The following MIB1 variants were observed in gnomAD, a reference collection of about 807,000 sequenced individuals.
MIB1 encodes the protein E3 ubiquitin-protein ligase MIB1.
A neutral mutation model predicts 124.5 loss-of-function variants in MIB1; 278 were observed. That is an observed-to-expected ratio of 2.23 (90% CI 2.02 to 2.47). MIB1 has a LOEUF of 2.47. MIB1 is among the 30% of genes most tolerant of loss of function. The pLI, the probability that MIB1 is intolerant of heterozygous loss-of-function variation, is 0.00. For synonymous variants in MIB1, 446 were observed against 429.4 expected, an observed-to-expected ratio of 1.04 and a Z score of -0.48; for missense variants, 957 against 1,254.4, an observed-to-expected ratio of 0.76 and a Z score of 3.58.
At chr18:21,754,901 G>C (rs141731760) in intron 1 of MIB1, among the ~76,000 whole-genome samples, 1 of 152,306 alleles carries the variant, frequency 6.6e-6, no homozygotes, top group South Asian at 2.1e-4. Context: ...TAAGGCATCC[G>C]TTGGGGAGTA....
At chr18:21,708,335 A>G (rs1306186498) in intron 1 of MIB1, among the ~76,000 whole-genome samples, 2 of 152,230 alleles carry the variant, frequency 1.3e-5, no homozygotes, top group East Asian at 3.8e-4. Context: ...TTCCTGTTAG[A>G]AAAACATTCT....
chr18:21,860,122 TTTTA>T (rs1201738804), intron 20 of MIB1, among the ~76,000 whole-genome samples: 1 of 132,404 alleles, frequency 7.6e-6, no homozygotes, highest in African/African-American at 2.9e-5. Flanking sequence ...TTTTTTTTTT[TTTTA>T]GAGTCTCACT....
At chr18:21,781,366 TATA>T (rs2041361026) in intron 6 of MIB1, among the ~76,000 whole-genome samples, 3 of 1,138 alleles carry the variant, frequency 2.6e-3, no homozygotes, top group East Asian at 0.034. Flanking sequence ...CTGTTCAAGT[TATA>T]TATATATATA....
chr18:21,795,898 G>A (rs1394990967), intron 7 of MIB1, among the ~76,000 whole-genome samples: 1 of 152,128 alleles, frequency 6.6e-6, no homozygotes, highest in Non-Finnish European at 1.5e-5. Context: ...GTACTTGTGT[G>A]ATAATTCTGT....
chr18:21,745,710 A>ACACACACACACACACACACACACACAC (rs1568183975), intron 1 of MIB1, among the ~76,000 whole-genome samples: 1 of 146,036 alleles, frequency 6.8e-6, no homozygotes, highest in African/African-American at 2.6e-5. Flanking sequence ...ACACACACAC[A>ACACACACACACACACACACACACACAC]AAATTTTATT....
intron 1 of MIB1, among the ~76,000 whole-genome samples, chr18:21,731,688 C>T (rs1035551493): frequency 1.5e-4 from 22 of 144,628 alleles, no homozygotes; most frequent in African/African-American, 2.3e-4. Context: ...GCCGAGATTG[C>T]GCCACCGCAC....
intron 4 of MIB1, among the ~76,000 whole-genome samples, chr18:21,775,546 C>T (rs3017041): frequency 0.78 from 118,094 of 152,238 alleles, 46,907 homozygotes; most frequent in East Asian, 0.97. Flanking sequence ...CTGACCAATT[C>T]ATGCCACTTA....
chr18:21,759,953 A>G (rs1208459816), intron 1 of MIB1, among the ~76,000 whole-genome samples: 3 of 152,218 alleles, frequency 2.0e-5, no homozygotes, highest in African/African-American at 7.2e-5. Flanking sequence ...TACTTCAGCT[A>G]TACAAATTCT....
At chr18:21,832,356 T>G (rs1245078892) in intron 12 of MIB1, among the ~76,000 whole-genome samples, 1 of 152,198 alleles carries the variant, frequency 6.6e-6, no homozygotes. Flanking sequence ...TTACACAGAT[T>G]GAAATAGTCA....
Position 21,864,599 on chromosome 18 carries a change from G to T in MIB1, c.2954G>T (p.Cys985Phe), listed in dbSNP as rs1214138709. 1.2e-6 allele frequency: 2 copies of T among 1,613,612 alleles called. No individual in the cohort carries two copies. Among genetic ancestry groups the T allele is most frequent in the Non-Finnish European group, 1.7e-6 (2 of 1,179,540 alleles). The change falls in exon 21 of 21, where the codon TGT becomes TTT. Residue 985 changes from cysteine to phenylalanine, a missense_variant. By Grantham distance (205) the Cys-to-Phe change is radical. Coordinates refer to ENST00000261537, the MANE Select transcript of MIB1 (RefSeq NM_020774.4). The part of the protein sequence containing the change: ...FLCGHGTCQL[C>F]GDRMSECPIC... ...TGTGGTCACGGAACCTGTCAACTCT[G>T]TGGAGACCGCATGAGTGAATGTCCT...
chr18:21,790,775 A>G (rs2041493006), intron 6 of MIB1, among the ~76,000 whole-genome samples: 1 of 152,260 alleles, frequency 6.6e-6, no homozygotes, highest in Non-Finnish European at 1.5e-5. Context: ...ATTTTTAACA[A>G]TAATTGTATA....
In MIB1 at chr18:21,773,636, C is replaced by T. The variant is rs1317522131; in HGVS notation, c.544C>T (p.Gln182Ter). The change falls in exon 4 of 21, where the codon CAG becomes TAG. Residue 182 changes from glutamine (Q) to a stop codon, truncating the protein, a stop_gained. Transcript: ENST00000261537. LOFTEE classifies it high-confidence loss of function. ...ACTATTCTGTTAGGTAACAGAAATCCAGGACTGGAGTGCATCAAGCCCACA... is the reference window on the plus strand; with the variant it reads ...ACTATTCTGTTAGGTAACAGAAATCTAGGACTGGAGTGCATCAAGCCCACA... The part of the protein sequence containing the change: ...NGRRGKVTEI[Q>*]DWSASSPHSA... 6.2e-7 allele frequency: 1 copy of T among 1,605,150 alleles called. No homozygotes were observed. The highest frequency in any genetic ancestry group is 8.5e-7 in the Non-Finnish European group (1 of 1,176,652).
At chr18:21,770,548 G>T (rs995794013) in intron 3 of MIB1, among the ~76,000 whole-genome samples, 1 of 152,086 alleles carries the variant, frequency 6.6e-6, no homozygotes, top group African/African-American at 2.4e-5. Context: ...TCGAACTCCT[G>T]GGTTCAAGCG....
chr18:21,833,061 GAAGTT>G (rs1164091212), intron 12 of MIB1, among the ~76,000 whole-genome samples: 2 of 152,204 alleles, frequency 1.3e-5, no homozygotes, highest in African/African-American at 4.8e-5. Context: ...CTGAGGCACA[GAAGTT>G]AAGTAATCTG....
intron 12 of MIB1, among the ~76,000 whole-genome samples, chr18:21,825,069 G>A (rs539684796): frequency 1.3e-5 from 2 of 152,142 alleles, no homozygotes; most frequent in South Asian, 2.1e-4. Flanking sequence ...GTGATGCTTA[G>A]CATTTTCTTT....
intron 17 of MIB1, among the ~76,000 whole-genome samples, chr18:21,850,861 A>G (rs2042173908): frequency 6.6e-6 from 1 of 152,168 alleles, no homozygotes; most frequent in Non-Finnish European, 1.5e-5. Flanking sequence ...AATTTAAGCC[A>G]TTCTTTTGTC....
At chr18:21,729,788 C>G (rs2040759664) in intron 1 of MIB1, among the ~76,000 whole-genome samples, 1 of 152,206 alleles carries the variant, frequency 6.6e-6, no homozygotes, top group Non-Finnish European at 1.5e-5. Context: ...CTGCACCCAG[C>G]TCAAGCCTCT....
At chr18:21,746,178 G>C (rs1427859205) in intron 1 of MIB1, among the ~76,000 whole-genome samples, 1 of 152,184 alleles carries the variant, frequency 6.6e-6, no homozygotes. Context: ...TAAGAAATGG[G>C]TAACCTTCAG....
At chr18:21,771,632 G>A (rs1381786231) in intron 3 of MIB1, among the ~76,000 whole-genome samples, 1 of 152,148 alleles carries the variant, frequency 6.6e-6, no homozygotes, top group Non-Finnish European at 1.5e-5. Context: ...GCAGGAGGAT[G>A]GGATTGATGA....
Sources: gnomAD v4.1 joint callset for allele counts (sites outside exome capture counted in the v4.1 genomes callset) on GRCh38, gnomAD v4.1.1 for gene constraint, MANE v1.5 for transcripts, NCBI Gene and HGNC (gene_info 2026-07-23, HGNC 2026-07-21) for gene names.